Variants in ABHD18 observed in about 807,000 individuals in gnomAD.
ABHD18 encodes the protein cardiolipin-specific deacylase, mitochondrial.
ABHD18 carries 55 observed loss-of-function variants against 65.9 expected under a neutral mutation model. The ratio of observed to expected loss-of-function variants is 0.84; its 90% CI spans 0.67 to 1.05. ABHD18 has a LOEUF of 1.05. Among genes scored for constraint, ABHD18 ranks in the 50% least tolerant of loss-of-function variants. The pLI is 0.00. For missense variants in ABHD18, 533 were observed against 558.5 expected, an observed-to-expected ratio of 0.95 and a Z score of 0.46; for synonymous variants, 181 against 180.2, an observed-to-expected ratio of 1.00 and a Z score of -0.04.
At chr4:127,985,226 C>CT (rs1219745874) in intron 3 of ABHD18, among the ~76,000 whole-genome samples, 20 of 147,980 alleles carry the variant, frequency 1.4e-4, no homozygotes, top group South Asian at 6.4e-4. Context: ...TTTTTGTAAT[C>CT]TTTTTTTTTT....
chr4:128,014,274 C>T (rs1021988991), intron 7 of ABHD18, among the ~76,000 whole-genome samples: 1 of 152,132 alleles, frequency 6.6e-6, no homozygotes, highest in Non-Finnish European at 1.5e-5. Flanking sequence ...GCATCCACCG[C>T]GCCCAGCTGA....
At chr4:127,972,692 C>T (rs1747082053) in intron 1 of ABHD18, among the ~76,000 whole-genome samples, 1 of 151,890 alleles carries the variant, frequency 6.6e-6, no homozygotes, top group Non-Finnish European at 1.5e-5. Flanking sequence ...AGGCGTGAGC[C>T]ACCGTGCCTG....
chr4:127,991,459 A>G (rs1056598518), intron 4 of ABHD18, among the ~76,000 whole-genome samples: 1 of 152,126 alleles, frequency 6.6e-6, no homozygotes, highest in Non-Finnish European at 1.5e-5. Context: ...CCTGACCTCA[A>G]ATGATCTGCC....
At chr4:128,030,377 A>C (rs544891990) in intron 11 of ABHD18, 133 bp from the exon 12 acceptor site, 1 of 553,776 alleles carries the variant, frequency 1.8e-6, no homozygotes, top group Non-Finnish European at 2.9e-6. Context: ...GAGATGAGTA[A>C]GGTAGCATAT....
chr4:128,037,358 A>G lies in ABHD18; in HGVS notation c.*1545A>G, dbSNP rs1758975014. ...AAAAAGTTTCAATTCACAAAAATGG[A>G]AACATTGGAAGACCTGTTGCATTAA... On this transcript the variant is annotated 3_prime_UTR_variant, in exon 13 of 13. Coordinates refer to ENST00000645843, the MANE Select transcript of ABHD18 (RefSeq NM_001358451.3). The G allele has an allele frequency of 6.6e-6, 1 of 152,022 alleles. No homozygotes were observed. The highest frequency in any genetic ancestry group is 1.5e-5 in the Non-Finnish European group (1 of 68,050). 9.4% of individuals were successfully genotyped at this position (152,022 alleles called of 1,614,324 possible).
intron 2 of ABHD18, among the ~76,000 whole-genome samples, chr4:127,983,742 G>A (rs1006017376): frequency 4.6e-5 from 7 of 152,170 alleles, no homozygotes; most frequent in African/African-American, 1.4e-4. Flanking sequence ...ACGGGCACCT[G>A]TAATCCTAGC....
At chr4:127,992,397 C>T (rs1011666381) in intron 4 of ABHD18, among the ~76,000 whole-genome samples, 1 of 151,884 alleles carries the variant, frequency 6.6e-6, no homozygotes, top group African/African-American at 2.4e-5. Flanking sequence ...ATCACTTGAA[C>T]CTGGGAGGCC....
At chr4:127,991,720 G>T (rs1391950742) in intron 4 of ABHD18, among the ~76,000 whole-genome samples, 2 of 152,076 alleles carry the variant, frequency 1.3e-5, no homozygotes, top group African/African-American at 4.8e-5. Flanking sequence ...GATTTTGTCT[G>T]CAATAGCAAT....
At chr4:127,972,360 G>T (rs1403853986) in intron 1 of ABHD18, among the ~76,000 whole-genome samples, 1 of 152,082 alleles carries the variant, frequency 6.6e-6, no homozygotes, top group Non-Finnish European at 1.5e-5. Flanking sequence ...GGAGGTCAGA[G>T]GGTCCCAAAG....
chr4:128,003,962 AC>A (rs1560878620), intron 4 of ABHD18, among the ~76,000 whole-genome samples: 5 of 149,708 alleles, frequency 3.3e-5, no homozygotes, highest in African/African-American at 1.2e-4. Flanking sequence ...AAAAAAAAAA[AC>A]AAAAAAAAAC....
chr4:128,020,488 G>A lies in ABHD18; in HGVS notation c.699+319G>A, dbSNP rs1276211053. Among the ~76,000 whole-genome samples, 3 of 152,170 alleles carry A rather than the reference G, an allele frequency of 2.0e-5. No individual in the cohort carries two copies. The East Asian group carries it at 5.8e-4, about 29-fold the overall frequency. The stretch of plus-strand genomic sequence containing the variant: ...TAAGTGCAAAGTGCTGTCCATCAGT[G>A]AAGCTCCCCTGAGCCTTGCAGTCCA... On this transcript the variant is annotated intron_variant, in intron 9 of 12. Coordinates refer to ENST00000645843, the MANE Select transcript of ABHD18 (RefSeq NM_001358451.3).
intron 4 of ABHD18, among the ~76,000 whole-genome samples, chr4:127,999,960 G>T (rs1044093030): frequency 1.3e-5 from 2 of 152,188 alleles, no homozygotes; most frequent in East Asian, 3.8e-4. Flanking sequence ...GGCTGGGAAG[G>T]CCCCACAATC....
At chr4:127,989,896 T>C in intron 4 of ABHD18, 75 bp downstream of exon 4, 1 of 921,424 alleles carries the variant, frequency 1.1e-6, no homozygotes, top group Admixed American at 3.1e-5. Context: ...CACTATGTTA[T>C]TTGAAATTAG....
intron 1 of ABHD18, among the ~76,000 whole-genome samples, chr4:127,977,285 C>T (rs1368840197): frequency 6.6e-6 from 1 of 151,076 alleles, no homozygotes; most frequent in East Asian, 2.0e-4. Flanking sequence ...CCAGCCTGAC[C>T]AACATGGAGA....
intron 7 of ABHD18, among the ~76,000 whole-genome samples, chr4:128,014,007 G>T (rs1481951092): frequency 7.2e-6 from 1 of 139,714 alleles, no homozygotes. Context: ...TTTTGAGATG[G>T]AGTTTCGCTC....
At chr4:128,016,690 G>T (rs544181022) in intron 7 of ABHD18, among the ~76,000 whole-genome samples, 4 of 141,862 alleles carry the variant, frequency 2.8e-5, no homozygotes, top group Non-Finnish European at 6.1e-5. Context: ...CAGGAGAATC[G>T]CTTGAACCCT....
chr4:127,973,044 C>T (rs929389482), intron 1 of ABHD18, among the ~76,000 whole-genome samples: 3 of 152,116 alleles, frequency 2.0e-5, no homozygotes, highest in Non-Finnish European at 2.9e-5. Flanking sequence ...GACCGGGTCT[C>T]ACTCTGTCAC....
intron 1 of ABHD18, among the ~76,000 whole-genome samples, chr4:127,980,067 A>C (rs1417040031): frequency 6.6e-6 from 1 of 152,238 alleles, no homozygotes; most frequent in Non-Finnish European, 1.5e-5. Context: ...GCAGTGGCTT[A>C]AATGTGTTCC....
intron 4 of ABHD18, among the ~76,000 whole-genome samples, chr4:127,994,020 G>A (rs17012856): frequency 0.03 from 4,544 of 152,190 alleles, 301 homozygotes; most frequent in East Asian, 0.27. Flanking sequence ...TTGTCATTTG[G>A]TCCATTACTC....
Sources: allele counts gnomAD v4.1 joint callset (sites outside exome capture counted in the v4.1 genomes callset), GRCh38; gene constraint gnomAD v4.1.1; transcripts MANE v1.5; gene names NCBI Gene and HGNC (gene_info 2026-07-23, HGNC 2026-07-21).